NUS1: variants seen among roughly 807,000 people sequenced by gnomAD.
The protein encoded by NUS1 is NUS1 dehydrodolichyl diphosphate synthase subunit.
For synonymous variants in NUS1, 135 were observed against 155.2 expected (o/e 0.87, Z 0.97); for missense variants, 292 against 382.9 (o/e 0.76, Z 1.98).
intron 1 of NUS1, among the ~76,000 whole-genome samples, chr6:117,679,403 A>C (rs1385689419): frequency 2.6e-5 from 4 of 152,164 alleles, no homozygotes; most frequent in African/African-American, 9.7e-5. Context: ...GGGAGCAGTG[A>C]ATTTATGTAA....
intron 3 of NUS1, among the ~76,000 whole-genome samples, chr6:117,700,297 A>G (rs1328182073): frequency 1.3e-5 from 2 of 152,246 alleles, no homozygotes; most frequent in South Asian, 2.1e-4. Context: ...TCTACAGGAA[A>G]AAGATCTAAT....
At chr6:117,684,961 G>GA (rs1426241099) in intron 1 of NUS1, among the ~76,000 whole-genome samples, 8 of 152,212 alleles carry the variant, frequency 5.3e-5, no homozygotes, top group Non-Finnish European at 8.8e-5. Flanking sequence ...ACAAAGACTA[G>GA]AAAATATTGA....
chr6:117,692,960 A>T, intron 1 of NUS1, 82 bp from the exon 2 acceptor site: 1 of 1,108,872 alleles, frequency 9.0e-7, no homozygotes, highest in Non-Finnish European at 1.3e-6. Flanking sequence ...TTCTGGATCT[A>T]GTGTTGTTTT....
intron 1 of NUS1, among the ~76,000 whole-genome samples, chr6:117,684,169 A>G (rs62431058): frequency 0.061 from 9,223 of 152,288 alleles, 351 homozygotes; most frequent in African/African-American, 0.087. Flanking sequence ...AATGGCCATA[A>G]GCAAATGTGG....
At chr6:117,681,102 ATTG>A (rs1333127163) in intron 1 of NUS1, among the ~76,000 whole-genome samples, 1 of 152,092 alleles carries the variant, frequency 6.6e-6, no homozygotes, top group Non-Finnish European at 1.5e-5. Context: ...CCAAGAGGCT[ATTG>A]TTCATCTTTT....
At chr6:117,676,377 G>C (rs532968825) in intron 1 of NUS1, among the ~76,000 whole-genome samples, 95 of 152,302 alleles carry the variant, frequency 6.2e-4, no homozygotes, top group Middle Eastern at 3.4e-3. Flanking sequence ...TCGGGAGTTC[G>C]AGACCAGCCT....
In NUS1 at chr6:117,709,959, C is replaced by T. The variant is rs1773552715; in HGVS notation, c.*2944C>T. On this transcript the variant is annotated 3_prime_UTR_variant, in exon 5 of 5. Transcript: ENST00000368494. ...GATTGAAATATATTCTCACTTTTACCAGGTTAAACATTTGGAATCTTATAA... is the reference window on the plus strand; with the variant it reads ...GATTGAAATATATTCTCACTTTTACTAGGTTAAACATTTGGAATCTTATAA... 1 of 152,044 alleles carries T rather than the reference C, an allele frequency of 6.6e-6. No homozygotes were observed. The highest frequency in any genetic ancestry group is 1.9e-4 in the East Asian group (1 of 5,190). 9.4% of individuals were successfully genotyped at this position (152,044 alleles called of 1,614,324 possible).
rs1174868388 is a variant in NUS1 at position 117,708,455 on chromosome 6, CTG to C, written c.*1441_*1442del. ...AAGTTTTGAAAAATAGCAAAGAAGA[CTG>C]GATTTGGAAAGCATGGTCTACAATT... On this transcript the variant is annotated 3_prime_UTR_variant, in exon 5 of 5. Transcript: ENST00000368494. 1 of 151,854 alleles carries C rather than the reference CTG, an allele frequency of 6.6e-6. No homozygotes were observed. Among genetic ancestry groups the C allele is most frequent in the Non-Finnish European group, 1.5e-5 (1 of 67,866 alleles). 9.4% of individuals were successfully genotyped at this position (151,854 alleles called of 1,614,324 possible).
intron 3 of NUS1, among the ~76,000 whole-genome samples, chr6:117,695,246 T>C (rs894914801): frequency 6.0e-5 from 9 of 150,216 alleles, no homozygotes; most frequent in African/African-American, 2.2e-4. Context: ...TTTTCTATCT[T>C]AACTTATTTA....
chr6:117,690,849 C>T (rs1215348210), intron 1 of NUS1, among the ~76,000 whole-genome samples: 4 of 151,712 alleles, frequency 2.6e-5, no homozygotes, highest in African/African-American at 4.8e-5. Flanking sequence ...AAAAATTAGC[C>T]GGGCATGGTG....
intron 1 of NUS1, among the ~76,000 whole-genome samples, chr6:117,686,466 T>G (rs1314107566): frequency 3.3e-5 from 5 of 152,228 alleles, no homozygotes; most frequent in Non-Finnish European, 7.3e-5. Flanking sequence ...GGCCAAATTC[T>G]TAGATGCTTG....
At chr6:117,704,682 A>G (rs529005796) in intron 4 of NUS1, among the ~76,000 whole-genome samples, 43 of 152,332 alleles carry the variant, frequency 2.8e-4, no homozygotes, top group African/African-American at 9.6e-4. Context: ...CTCTCATGAC[A>G]GGTATTTACC....
chr6:117,703,949 C>T (rs1367500902), intron 4 of NUS1, among the ~76,000 whole-genome samples: 1 of 152,084 alleles, frequency 6.6e-6, no homozygotes, highest in Admixed American at 6.6e-5. Flanking sequence ...TGAGAGATAA[C>T]TGTAAAGGGT....
intron 3 of NUS1, among the ~76,000 whole-genome samples, chr6:117,699,039 G>A (rs1454755851): frequency 1.3e-5 from 2 of 152,116 alleles, no homozygotes; most frequent in African/African-American, 4.8e-5. Flanking sequence ...TGGACCCATA[G>A]CTACTATCTT....
rs889587587 is a variant in NUS1 at position 117,675,562 on chromosome 6, G to C, written c.-109G>C. 27 of 1,158,930 alleles carry C rather than the reference G, an allele frequency of 2.3e-5. No individual in the cohort carries two copies. Among genetic ancestry groups the C allele is most frequent in the Admixed American group, 1.3e-4 (6 of 45,238 alleles). 71.8% of individuals were successfully genotyped at this position (1,158,930 alleles called of 1,614,324 possible). On this transcript the variant is annotated 5_prime_UTR_variant, in exon 1 of 5. Transcript: ENST00000368494. ...GTGGAAAGGGGTTCGGGCTCGGGGGGCGGGGGGACGCGGAGCGATGGCCCG... is the reference window on the plus strand; with the variant it reads ...GTGGAAAGGGGTTCGGGCTCGGGGGCCGGGGGGACGCGGAGCGATGGCCCG...
At chr6:117,691,994 G>T (rs1383531784) in intron 1 of NUS1, among the ~76,000 whole-genome samples, 2 of 151,914 alleles carry the variant, frequency 1.3e-5, no homozygotes, top group Non-Finnish European at 2.9e-5. Flanking sequence ...TTTTAAACTA[G>T]TTCCACAGAG....
At chr6:117,687,927 G>A (rs891003222) in intron 1 of NUS1, among the ~76,000 whole-genome samples, 3 of 152,164 alleles carry the variant, frequency 2.0e-5, no homozygotes, top group Non-Finnish European at 4.4e-5. Context: ...AATATTATAA[G>A]GAAGTAGGCT....
At chr6:117,688,228 ATG>A (rs1773167183) in intron 1 of NUS1, among the ~76,000 whole-genome samples, 1 of 152,170 alleles carries the variant, frequency 6.6e-6, no homozygotes, top group Admixed American at 6.5e-5. Flanking sequence ...TCTTAAAAAT[ATG>A]TGTGTGTATA....
At chr6:117,695,835 T>A (rs1226834501) in intron 3 of NUS1, among the ~76,000 whole-genome samples, 1 of 152,186 alleles carries the variant, frequency 6.6e-6, no homozygotes, top group Non-Finnish European at 1.5e-5. Flanking sequence ...ATGTCTTGCT[T>A]TGTTTACTTA....
Sources: allele counts gnomAD v4.1 joint callset (sites outside exome capture counted in the v4.1 genomes callset), GRCh38; gene constraint gnomAD v4.1.1; transcripts MANE v1.5; gene names NCBI Gene and HGNC (gene_info 2026-07-23, HGNC 2026-07-21).